DMC1: variants seen among roughly 807,000 people sequenced by gnomAD.
The protein encoded by DMC1 is DNA meiotic recombinase 1, also known as meiotic recombination protein DMC1 homolog.
In DMC1, 27 loss-of-function variants were observed where a neutral mutation model predicts 50.1. The ratio of observed to expected loss-of-function variants is 0.54; its 90% CI spans 0.40 to 0.74. The LOEUF (loss-of-function observed/expected upper bound fraction) is 0.74, where lower values mean the gene tolerates loss of function less well. Ranked by LOEUF, DMC1 falls within the 30% of genes least tolerant of loss-of-function variation. DMC1 has a pLI of 0.00. For synonymous variants in DMC1, 148 were observed against 136.1 expected, an observed-to-expected ratio of 1.09 and a Z score of -0.61; for missense variants, 295 against 420.2, an observed-to-expected ratio of 0.70 and a Z score of 2.60.
Position 38,538,401 on chromosome 22 carries a change from A to G in DMC1, c.669T>C (p.Asp223=). Residue 223 remains aspartate (D), a synonymous_variant, in exon 11 of 14, where the codon GAT becomes GAC. Transcript: ENST00000216024. ...CCACTCGAAAAAGTGCCATTATTGAATCGATAATCTACACAGGATTAATGT... is the reference window on the plus strand; with the variant it reads ...CCACTCGAAAAAGTGCCATTATTGAGTCGATAATCTACACAGGATTAATGT... ...EAGIFKLLII[D]SIMALFRVDF... is the part of the protein sequence containing the mutation. 1 of 1,612,684 alleles carries G rather than the reference A, an allele frequency of 6.2e-7. No homozygotes were observed. Among genetic ancestry groups the G allele is most frequent in the Non-Finnish European group, 8.5e-7 (1 of 1,179,386 alleles).
chr22:38,540,138 C>CT (rs1030266690), intron 8 of DMC1, among the ~76,000 whole-genome samples: 2 of 151,246 alleles, frequency 1.3e-5, no homozygotes, highest in African/African-American at 4.9e-5. Flanking sequence ...GAGTTGTTAG[C>CT]TTTTTTTTTG....
At chr22:38,534,608 CAGG>C (rs1393964846) in intron 12 of DMC1, among the ~76,000 whole-genome samples, 3 of 151,946 alleles carry the variant, frequency 2.0e-5, no homozygotes, top group Admixed American at 6.6e-5. Context: ...GAGGCTGAGG[CAGG>C]AGAATTGCTT....
intron 4 of DMC1, among the ~76,000 whole-genome samples, chr22:38,564,735 A>G (rs1217907717): frequency 6.6e-6 from 1 of 152,226 alleles, no homozygotes; most frequent in Non-Finnish European, 1.5e-5. Context: ...TGGTAATAAG[A>G]TTTAATTTCC....
chr22:38,543,252 C>G (rs765657320), intron 8 of DMC1, among the ~76,000 whole-genome samples: 215 of 140,742 alleles, frequency 1.5e-3, no homozygotes, highest in Non-Finnish European at 2.8e-3. Flanking sequence ...TTTTTTGAGA[C>G]GGAGTCTCGC....
downstream of DMC1, among the ~76,000 whole-genome samples, chr22:38,515,101 C>T (rs1020766901): frequency 1.3e-5 from 2 of 150,504 alleles, no homozygotes; most frequent in African/African-American, 2.4e-5. Flanking sequence ...CTCCTAACCT[C>T]GTGATCTGCC....
At chr22:38,565,727 A>G (rs926409208) in intron 4 of DMC1, among the ~76,000 whole-genome samples, 1 of 152,238 alleles carries the variant, frequency 6.6e-6, no homozygotes, top group Non-Finnish European at 1.5e-5. Context: ...GCCCTGCATC[A>G]GTATGGGTTA....
chr22:38,535,230 C>T (rs569580067), intron 12 of DMC1, among the ~76,000 whole-genome samples: 26 of 150,622 alleles, frequency 1.7e-4, no homozygotes, highest in Non-Finnish European at 3.0e-4. Context: ...ACCTGGGAGG[C>T]GGAGACTGCA....
At chr22:38,543,212 G>A (rs1239175741) in intron 8 of DMC1, among the ~76,000 whole-genome samples, 1 of 151,842 alleles carries the variant, frequency 6.6e-6, no homozygotes, top group African/African-American at 2.4e-5. Flanking sequence ...CCTCTTCAAA[G>A]GTTTTAGCCT....
At chr22:38,559,850 T>A (rs1569169330) in intron 5 of DMC1, among the ~76,000 whole-genome samples, 1 of 151,846 alleles carries the variant, frequency 6.6e-6, no homozygotes, top group Non-Finnish European at 1.5e-5. Flanking sequence ...AAACCCTGTC[T>A]CTACTAAAAG....
At chr22:38,514,886 T>C (rs1271322169), downstream of DMC1, among the ~76,000 whole-genome samples, 1 of 151,970 alleles carries the variant, frequency 6.6e-6, no homozygotes, top group East Asian at 1.9e-4. Context: ...TAACCGTAAG[T>C]ATACTCAGTC....
At chr22:38,514,488 C>T (rs1303159318), downstream of DMC1, among the ~76,000 whole-genome samples, 2 of 151,938 alleles carry the variant, frequency 1.3e-5, no homozygotes, top group Non-Finnish European at 2.9e-5. Flanking sequence ...GTGATCTGCC[C>T]ACCTCAGCCT....
chr22:38,525,751 G>C (rs1185410890), intron 12 of DMC1, among the ~76,000 whole-genome samples: 1 of 152,086 alleles, frequency 6.6e-6, no homozygotes, highest in Non-Finnish European at 1.5e-5. Context: ...GACCAGTCTG[G>C]ACAACATGGT....
chr22:38,562,412 T>A, intron 4 of DMC1, 43 bp from the exon 5 acceptor site: 1 of 1,384,920 alleles, frequency 7.2e-7, no homozygotes, highest in South Asian at 1.2e-5. Flanking sequence ...AGTTTAAAGA[T>A]CATGGTTGTA....
intron 1 of DMC1, among the ~76,000 whole-genome samples, chr22:38,568,843 C>T (rs187014551): frequency 5.5e-4 from 84 of 152,200 alleles, no homozygotes; most frequent in African/African-American, 2.0e-3. Flanking sequence ...TTTCATAGAA[C>T]ATTAGCTATA....
At chr22:38,563,078 A>G (rs2090545981) in intron 4 of DMC1, among the ~76,000 whole-genome samples, 2 of 152,188 alleles carry the variant, frequency 1.3e-5, no homozygotes, top group African/African-American at 4.8e-5. Flanking sequence ...CAAATGAGAT[A>G]TAATTATGGC....
At chr22:38,562,498 T>C in intron 4 of DMC1, 129 bp from the exon 5 acceptor site, 1 of 688,344 alleles carries the variant, frequency 1.5e-6, no homozygotes, top group East Asian at 2.7e-5. Context: ...TCACTTGTCC[T>C]TGAAGGCAGT....
At chr22:38,549,467 C>CA (rs1018052424) in intron 8 of DMC1, 17 of 158,802 alleles carry the variant, frequency 1.1e-4, no homozygotes, top group African/African-American at 2.4e-4. Flanking sequence ...ACTAAAAATA[C>CA]AAAAAAATTA....
intron 7 of DMC1, among the ~76,000 whole-genome samples, chr22:38,550,399 C>T (rs1296385964): frequency 2.0e-5 from 3 of 149,374 alleles, no homozygotes; most frequent in East Asian, 2.0e-4. Context: ...CTGCAATCTC[C>T]GCCTCCCGGG....
chr22:38,509,909 C>CA, the DMC1 span, among the ~76,000 whole-genome samples: 5 of 152,046 alleles, frequency 3.3e-5, no homozygotes, highest in Non-Finnish European at 7.4e-5. Flanking sequence ...TCAAGTGATC[C>CA]ACCCACCTTG....
Sources: allele counts gnomAD v4.1 joint callset (sites outside exome capture counted in the v4.1 genomes callset), GRCh38; gene constraint gnomAD v4.1.1; transcripts MANE v1.5; gene names NCBI Gene and HGNC (gene_info 2026-07-23, HGNC 2026-07-21).